BLTP1: variants seen among roughly 807,000 people sequenced by gnomAD.
BLTP1 encodes the protein fragile site-associated protein.
At chr4:122,359,209 C>T in the BLTP1 span, 2 of 439,600 alleles carry the variant, frequency 4.5e-6, no homozygotes, top group Non-Finnish European at 6.0e-6. Context: ...GCACATTGTG[C>T]ACATGTACCC....
At chr4:122,170,652 A>C in the BLTP1 span, 1 of 1,573,424 alleles carries the variant, frequency 6.4e-7, no homozygotes, top group Non-Finnish European at 8.6e-7. Flanking sequence ...TTAGTAATGG[A>C]TCAAAGGAAG....
At chr4:122,189,161 G>T in the BLTP1 span, 108 of 827,782 alleles carry the variant, frequency 1.3e-4, 1 homozygote, top group Non-Finnish European at 1.5e-4. Context: ...ATTTAAAATT[G>T]TATTTTTCAC....
At chr4:122,246,934 G>T in the BLTP1 span, 1 of 1,436,602 alleles carries the variant, frequency 7.0e-7, no homozygotes, top group Non-Finnish European at 9.2e-7. Context: ...AACTGGTTTT[G>T]GAATTTCAAA....
the BLTP1 span, among the ~76,000 whole-genome samples, chr4:122,163,653 A>G: frequency 6.6e-6 from 1 of 152,208 alleles, no homozygotes; most frequent in African/African-American, 2.4e-5. Context: ...CAATTTACAC[A>G]CTATAACTCT....
the BLTP1 span, among the ~76,000 whole-genome samples, chr4:122,205,509 CT>C: frequency 6.6e-6 from 1 of 151,028 alleles, no homozygotes; most frequent in Non-Finnish European, 1.5e-5. Flanking sequence ...TTCTCTCTCT[CT>C]CTCTCTCTCT....
At chr4:122,210,472 A>C in the BLTP1 span, among the ~76,000 whole-genome samples, 1 of 152,152 alleles carries the variant, frequency 6.6e-6, no homozygotes, top group Non-Finnish European at 1.5e-5. Context: ...GTTTCAAAGG[A>C]TAGTTTTCAT....
At chr4:122,349,482 A>G in the BLTP1 span, 1 of 1,595,564 alleles carries the variant, frequency 6.3e-7, no homozygotes, top group Non-Finnish European at 8.6e-7. This position sits in a 1 kb window ranked among gnomAD's most constrained non-coding sequence, Gnocchi z 4.5. Flanking sequence ...TCAGCAACCC[A>G]GTCACAAAAT....
At chr4:122,361,895 C>A in the BLTP1 span, 1 of 933,198 alleles carries the variant, frequency 1.1e-6, no homozygotes, top group Non-Finnish European at 1.5e-6. Flanking sequence ...ATTATGGGCT[C>A]ATTTATACAA....
At chr4:122,192,049 G>A in the BLTP1 span, 71 of 188,602 alleles carry the variant, frequency 3.8e-4, 1 homozygote, top group Non-Finnish European at 5.6e-4. Context: ...TTTTAATTTT[G>A]AACATAGTAA....
the BLTP1 span, chr4:122,340,649 G>T: frequency 1.2e-6 from 1 of 861,140 alleles, no homozygotes; most frequent in Non-Finnish European, 1.4e-6. Flanking sequence ...CAACAAAATT[G>T]GAAAACAAAA....
the BLTP1 span, among the ~76,000 whole-genome samples, chr4:122,211,719 A>G: frequency 6.6e-6 from 1 of 152,166 alleles, no homozygotes; most frequent in African/African-American, 2.4e-5. Flanking sequence ...GCACAGTATG[A>G]CAGCACTTTA....
the BLTP1 span, chr4:122,152,725 C>T: frequency 4.9e-6 from 4 of 813,538 alleles, no homozygotes; most frequent in African/African-American, 1.9e-5. Context: ...TATTCCTTTG[C>T]CATCCTTACC....
chr4:122,290,803 A>T, the BLTP1 span: 1 of 125,522 alleles, frequency 8.0e-6, no homozygotes, highest in South Asian at 2.7e-4. Context: ...AAAAAAAAAA[A>T]AAAAAATATA....
chr4:122,320,512 T>G, the BLTP1 span, among the ~76,000 whole-genome samples: 2 of 152,146 alleles, frequency 1.3e-5, no homozygotes, highest in Non-Finnish European at 2.9e-5. Context: ...ACTAGACCCC[T>G]TTATCATTTC....
At chr4:122,174,069 A>C in the BLTP1 span, 1 of 302,464 alleles carries the variant, frequency 3.3e-6, no homozygotes, top group Non-Finnish European at 4.9e-6. Flanking sequence ...TTAGGAAGCT[A>C]TGTGCTTTGA....
the BLTP1 span, among the ~76,000 whole-genome samples, chr4:122,202,181 C>T: frequency 3.4e-4 from 52 of 152,190 alleles, no homozygotes; most frequent in African/African-American, 1.2e-3. Flanking sequence ...GAGTTACATA[C>T]TTCTCCAAGG....
chr4:122,258,016 TG>T, the BLTP1 span, among the ~76,000 whole-genome samples: 1 of 152,208 alleles, frequency 6.6e-6, no homozygotes, highest in African/African-American at 2.4e-5. Flanking sequence ...TTTTACCTGA[TG>T]CCTGCTTGAT....
chr4:122,289,237 C>A, the BLTP1 span: 15 of 1,351,618 alleles, frequency 1.1e-5, no homozygotes, highest in African/African-American at 1.5e-5. Flanking sequence ...GGTTTTTATT[C>A]TCATTGAGCG....
At chr4:122,188,948 C>A in the BLTP1 span, 125 of 985,108 alleles carry the variant, frequency 1.3e-4, no homozygotes, top group African/African-American at 2.0e-3. Context: ...AGGGTTTTTC[C>A]TTTTTGAGTA....
Sources: gnomAD v4.1 joint callset for allele counts (sites outside exome capture counted in the v4.1 genomes callset) on GRCh38, gnomAD v4.1.1 for gene constraint, Gnocchi (gnomAD v3.1) non-coding constraint, MANE v1.5 for transcripts, NCBI Gene and HGNC (gene_info 2026-07-23, HGNC 2026-07-21) for gene names.